The following PLXDC2 variants were observed in gnomAD, a reference collection of about 807,000 sequenced individuals.
PLXDC2 encodes plexin domain-containing protein 2.
In PLXDC2, 40 loss-of-function variants were observed where a neutral mutation model predicts 68.9. The ratio of observed to expected loss-of-function variants is 0.58; its 90% CI spans 0.45 to 0.76. PLXDC2 has a LOEUF of 0.76. Among genes scored for constraint, PLXDC2 ranks in the 30% least tolerant of loss-of-function variants. The pLI is 0.00. For missense variants in PLXDC2, 644 were observed against 661.9 expected (o/e 0.97, Z 0.30); for synonymous variants, 243 against 234.2 (o/e 1.04, Z -0.34).
chr10:20,288,931 C>T lies in PLXDC2; in HGVS notation c.*9112C>T, dbSNP rs1303211380. 3 of 152,060 alleles carry T rather than the reference C, an allele frequency of 2.0e-5. No individual in the cohort carries two copies. Among genetic ancestry groups the T allele is most frequent in the Non-Finnish European group, 4.4e-5 (3 of 68,026 alleles). The allele number at this position is 152,060 out of a possible 1,614,324, so 9.4% of individuals were successfully genotyped here. On this transcript the variant is annotated 3_prime_UTR_variant, in exon 14 of 14. Transcript: ENST00000377252. ...TTTCAGAAGCAAACCATGTTTTTCA[C>T]TTACAGTAGGAGTCAACAAATTTGG...
chr10:19,907,373 G>C (rs78716137), intron 1 of PLXDC2, among the ~76,000 whole-genome samples: 3,650 of 152,168 alleles, frequency 0.024, 73 homozygotes, highest in Middle Eastern at 0.082. Context: ...TGTTTATGAT[G>C]TCCTCACCCT....
At chr10:19,976,432 C>A (rs1242704243) in intron 1 of PLXDC2, among the ~76,000 whole-genome samples, 1 of 152,122 alleles carries the variant, frequency 6.6e-6, no homozygotes, top group Non-Finnish European at 1.5e-5. Flanking sequence ...CCAGGCTGGT[C>A]TTGAACTCCT....
intron 1 of PLXDC2, among the ~76,000 whole-genome samples, chr10:19,864,301 G>A (rs990882889): frequency 2.0e-4 from 31 of 152,224 alleles, no homozygotes; most frequent in African/African-American, 7.2e-4. Context: ...ACCTTGCCCT[G>A]CCAAGATTTT....
intron 3 of PLXDC2, among the ~76,000 whole-genome samples, chr10:20,060,050 A>G (rs1230770452): frequency 1.3e-5 from 2 of 152,020 alleles, no homozygotes; most frequent in Admixed American, 1.3e-4. Context: ...TTATATTTTT[A>G]GAGACATGGT....
chr10:19,886,625 C>G (rs1002669541), intron 1 of PLXDC2, among the ~76,000 whole-genome samples: 3 of 152,150 alleles, frequency 2.0e-5, no homozygotes, highest in African/African-American at 7.2e-5. Context: ...GGACATATCT[C>G]AAAATAATAG....
At chr10:20,017,312 T>C (rs1435042032) in intron 2 of PLXDC2, among the ~76,000 whole-genome samples, 1 of 152,150 alleles carries the variant, frequency 6.6e-6, no homozygotes, top group African/African-American at 2.4e-5. Flanking sequence ...GATCAAAACA[T>C]GGGACCCTTC....
intron 4 of PLXDC2, among the ~76,000 whole-genome samples, chr10:20,108,058 GA>G (rs1266802231): frequency 1.3e-5 from 2 of 152,068 alleles, no homozygotes; most frequent in African/African-American, 4.8e-5. Flanking sequence ...ATCCAACTTT[GA>G]AAGATTTTAA....
intron 2 of PLXDC2, among the ~76,000 whole-genome samples, chr10:20,009,404 G>C (rs1452808196): frequency 6.6e-6 from 1 of 152,058 alleles, no homozygotes; most frequent in Non-Finnish European, 1.5e-5. Flanking sequence ...CTTTTGGGGG[G>C]ATCTTAAACT....
intron 4 of PLXDC2, among the ~76,000 whole-genome samples, chr10:20,098,836 G>C (rs943592830): frequency 6.6e-6 from 1 of 152,126 alleles, no homozygotes; most frequent in African/African-American, 2.4e-5. Context: ...CCTCTGAAGG[G>C]AGCATTGGTA....
In PLXDC2 at chr10:20,180,773, T is replaced by C. The variant is rs1387378232; in HGVS notation, c.1061+3364T>C. Among the ~76,000 whole-genome samples the C allele has an allele frequency of 2.0e-5, 3 of 152,208 alleles. No individual in the cohort carries two copies. In the East Asian group the frequency reaches 5.8e-4, roughly 29 times the overall value. Reference sequence around the variant, plus strand: ...TGGCTTTCCCAAGCTCTGAGAGAATTTGAGTTAGAGGAACATAAGGAGATC... The same window carrying C: ...TGGCTTTCCCAAGCTCTGAGAGAATCTGAGTTAGAGGAACATAAGGAGATC... On this transcript the variant is annotated intron_variant, in intron 9 of 13. Coordinates refer to ENST00000377252, the MANE Select transcript of PLXDC2 (RefSeq NM_032812.9).
At chr10:19,858,581 G>A (rs1837259091) in intron 1 of PLXDC2, among the ~76,000 whole-genome samples, 1 of 152,150 alleles carries the variant, frequency 6.6e-6, no homozygotes, top group South Asian at 2.1e-4. Context: ...AATTAGTTTA[G>A]ATTTCTGTCT....
At chr10:19,821,628 A>G (rs749619101) in intron 1 of PLXDC2, among the ~76,000 whole-genome samples, 1 of 152,226 alleles carries the variant, frequency 6.6e-6, no homozygotes, top group African/African-American at 2.4e-5. Flanking sequence ...ACTGACTAGA[A>G]CTATAGTTCA....
chr10:19,968,395 C>G (rs1243233292), intron 1 of PLXDC2, among the ~76,000 whole-genome samples: 1 of 152,168 alleles, frequency 6.6e-6, no homozygotes, highest in Non-Finnish European at 1.5e-5. Context: ...TCCCTGCAAC[C>G]TCCGCCTCCC....
In PLXDC2 at chr10:20,203,973, G is replaced by A. The variant is rs1368280625; in HGVS notation, c.1062-7696G>A. On this transcript the variant is annotated intron_variant, in intron 9 of 13. Transcript: ENST00000377252. ...ACTCCACCTTCTTGCATATTCTAAT[G>A]ATGTAAAACTTCATAAGTGATCCTA... Among the ~76,000 whole-genome samples the A allele has an allele frequency of 2.6e-5, 4 of 152,058 alleles. No homozygotes were observed. The East Asian group carries it at 7.7e-4, about 29-fold the overall frequency.
At chr10:19,968,210 C>A (rs953471019) in intron 1 of PLXDC2, among the ~76,000 whole-genome samples, 1 of 152,130 alleles carries the variant, frequency 6.6e-6, no homozygotes, top group African/African-American at 2.4e-5. Flanking sequence ...GACAGTGAAC[C>A]CTGTTCAAAT....
At chr10:19,926,774 A>G (rs1373179950) in intron 1 of PLXDC2, among the ~76,000 whole-genome samples, 1 of 152,210 alleles carries the variant, frequency 6.6e-6, no homozygotes, top group Non-Finnish European at 1.5e-5. Context: ...AGTTACTGAA[A>G]TAAGACACTC....
chr10:20,222,233 C>T (rs935076182), intron 12 of PLXDC2, among the ~76,000 whole-genome samples: 6 of 152,152 alleles, frequency 3.9e-5, no homozygotes, highest in Non-Finnish European at 7.4e-5. Context: ...GTTTCTGGGT[C>T]GTTTCCATGG....
chr10:20,102,951 A>G (rs1833441890), intron 4 of PLXDC2, among the ~76,000 whole-genome samples: 1 of 152,226 alleles, frequency 6.6e-6, no homozygotes, highest in Admixed American at 6.5e-5. Context: ...AGGAAGAGGT[A>G]GAACATGCTT....
chr10:20,154,983 C>A (rs2131805113), intron 6 of PLXDC2, among the ~76,000 whole-genome samples: 1 of 152,142 alleles, frequency 6.6e-6, no homozygotes, highest in South Asian at 2.1e-4. Flanking sequence ...CCTTCAGCAG[C>A]AAATTTTAGA....
Sources: allele counts gnomAD v4.1 joint callset (sites outside exome capture counted in the v4.1 genomes callset), GRCh38; gene constraint gnomAD v4.1.1; transcripts MANE v1.5; gene names NCBI Gene and HGNC (gene_info 2026-07-23, HGNC 2026-07-21).